SH2B1: variants seen among roughly 807,000 people sequenced by gnomAD.
The protein encoded by SH2B1 is SH2B adapter protein 1.
In SH2B1, 15 loss-of-function variants were observed where a neutral mutation model predicts 62.6. The ratio of observed to expected loss-of-function variants is 0.24; its 90% CI spans 0.16 to 0.37. The LOEUF (loss-of-function observed/expected upper bound fraction) is 0.37. Among genes scored for constraint, SH2B1 ranks in the 10% least tolerant of loss-of-function variants. SH2B1 has a pLI of 1.00. For missense variants in SH2B1, 925 were observed against 1,015.6 expected, an observed-to-expected ratio of 0.91 and a Z score of 1.21; for synonymous variants, 443 against 438.0, an observed-to-expected ratio of 1.01 and a Z score of -0.14.
chr16:28,873,332 A>G lies in SH2B1; in HGVS notation c.1898-115A>G. On this transcript the variant is annotated intron_variant, in intron 7 of 7. Coordinates refer to ENST00000684370, the MANE Select transcript of SH2B1 (RefSeq NM_001387430.1). This position sits in a 1 kb window ranked among gnomAD's most constrained non-coding sequence, Gnocchi z 4.2. ...ATCTTCCATGGATGGGGGGTTGCTC[A>G]GGAGATGGGATGTGGGGAGACAGCC... The G allele has an allele frequency of 6.3e-7, 1 of 1,592,360 alleles. No homozygotes were observed. Among genetic ancestry groups the G allele is most frequent in the Non-Finnish European group, 8.5e-7 (1 of 1,170,186 alleles).
chr16:28,852,229 T>TA (rs1435625694), intron 1 of SH2B1, among the ~76,000 whole-genome samples: 7 of 92,678 alleles, frequency 7.6e-5, no homozygotes, highest in African/African-American at 2.8e-4. Flanking sequence ...TACATATATA[T>TA]TTACATATAT....
At chr16:28,852,295 TATA>T (rs1413790231) in intron 1 of SH2B1, among the ~76,000 whole-genome samples, 1 of 91,286 alleles carries the variant, frequency 1.1e-5, no homozygotes, top group African/African-American at 4.6e-5. Flanking sequence ...TTTACATATA[TATA>T]TTTACATATA....
intron 1 of SH2B1, among the ~76,000 whole-genome samples, chr16:28,849,742 C>T (rs1471604507): frequency 6.6e-6 from 1 of 151,652 alleles, no homozygotes; most frequent in African/African-American, 2.4e-5. Context: ...GCCTGGCCAA[C>T]ATGGTGAAAT....
rs749808758 is a variant in SH2B1, at chr16:28,866,541, C to G, written c.447C>G (p.Leu149=). ...CTACAACCTCCTCCAAGCCGAAGCT[C>G]AAGAAGCGCTTTTCCCTGCGTTCAG... The part of the protein sequence containing the change: ...SSSTTSSKPK[L]KKRFSLRSVG... The change falls in exon 1 of 8, where the codon CTC becomes CTG. Residue 149 remains leucine, a synonymous_variant. Coordinates refer to ENST00000684370, the MANE Select transcript of SH2B1 (RefSeq NM_001387430.1). The surrounding 1 kb of genome is among the most constrained non-coding windows in gnomAD (Gnocchi z 6.3). 2 of 1,614,092 alleles carry G rather than the reference C, an allele frequency of 1.2e-6. No homozygotes were observed. The highest frequency in any genetic ancestry group is 3.3e-5 in the Admixed American group (2 of 60,006).
At chr16:28,856,507 G>A (rs1962327444) in intron 1 of SH2B1, among the ~76,000 whole-genome samples, 1 of 152,072 alleles carries the variant, frequency 6.6e-6, no homozygotes, top group South Asian at 2.1e-4. Flanking sequence ...TGGGGGTGGA[G>A]GTTAAATCAT....
In SH2B1 at chr16:28,864,978, G is replaced by A. The variant is rs553918415; in HGVS notation, c.-1117G>A. ...AGAAAAACGGAGGCTCAGAGAGGAC[G>A]TGGAATTTGTTCAAGATAACATCGC... On this transcript the variant is annotated 5_prime_UTR_variant, in exon 1 of 8. The change creates a new upstream start codon in the 5' untranslated region. Coordinates refer to ENST00000684370, the MANE Select transcript of SH2B1 (RefSeq NM_001387430.1). 1.2e-5 allele frequency: 6 copies of A among 505,558 alleles called. No homozygotes were observed. Among genetic ancestry groups the A allele is most frequent in the East Asian group, 3.0e-4 (2 of 6,658 alleles). The allele number at this position is 505,558 out of a possible 1,614,324, so 31.3% of individuals were successfully genotyped here.
chr16:28,871,410 G>A (rs978372205), intron 4 of SH2B1, among the ~76,000 whole-genome samples: 6 of 152,190 alleles, frequency 3.9e-5, no homozygotes, highest in African/African-American at 1.4e-4. Flanking sequence ...GATCACTTGA[G>A]TCCAGGAACT....
chr16:28,866,384 C>T lies in SH2B1; in HGVS notation c.290C>T (p.Pro97Leu). 1 of 1,613,706 alleles carries T rather than the reference C, an allele frequency of 6.2e-7. No homozygotes were observed. The highest frequency in any genetic ancestry group is 1.1e-5 in the South Asian group (1 of 91,084). The change falls in exon 1 of 8, where the codon CCT (proline) becomes CTT (leucine). Residue 97 changes from proline (P) to leucine (L), a missense_variant. Pro to Leu is a moderately conservative substitution (Grantham distance 98). This residue lies in a region of SH2B1 where 683 missense variants were observed against 704.0 expected (regional missense o/e 0.97). Coordinates refer to ENST00000684370, the MANE Select transcript of SH2B1 (RefSeq NM_001387430.1). The surrounding 1 kb of genome is among the most constrained non-coding windows in gnomAD (Gnocchi z 6.3). Reference sequence around the variant, plus strand: ...CCACCCATCCTGGCTCCCCTGAGCCCTGGTGCGGAGATTTCGCCACATGAC... The same window carrying T: ...CCACCCATCCTGGCTCCCCTGAGCCTTGGTGCGGAGATTTCGCCACATGAC... ...LSPPILAPLSPGAEISPHDLS... is the reference protein window; with the variant it reads ...LSPPILAPLSLGAEISPHDLS...
At position 28,852,507 on chromosome 16, in the gene SH2B1, T is replaced by TAC. The variant is rs1326511826; in HGVS notation, c.-301+5681_-301+5682insCA. ...ATATATACATACATATATTTATATA[T>TAC]ATACACATATATTTATATATATACA... is the stretch of plus-strand genomic sequence containing the variant. On this transcript the variant is annotated intron_variant, in intron 1 of 10. Transcript: ENST00000322610. Among the ~76,000 whole-genome samples, 26 of 60,028 alleles carry TAC rather than the reference T, an allele frequency of 4.3e-4. 9 individuals are homozygous for TAC. In the East Asian group the frequency reaches 4.5e-3, roughly 10 times the overall value. 39.4% of individuals were successfully genotyped at this position (60,028 alleles called of 152,430 possible). A position where few individuals can be genotyped will look rare whatever the true frequency, so the allele number is the denominator to read the frequency against.
intron 1 of SH2B1, among the ~76,000 whole-genome samples, chr16:28,853,522 CT>C (rs543507752): frequency 3.1e-4 from 39 of 127,110 alleles, no homozygotes; most frequent in Middle Eastern, 4.1e-3. Flanking sequence ...CCCACTTTTT[CT>C]TTTTTTTTTT....
chr16:28,871,294 A>C (rs900484105), intron 4 of SH2B1, among the ~76,000 whole-genome samples: 1 of 152,152 alleles, frequency 6.6e-6, no homozygotes, highest in African/African-American at 2.4e-5. Flanking sequence ...CGGGTATTAC[A>C]GGTGTGAGCC....
At chr16:28,852,573 T>TATATATTTATATATATACAC (rs1962164659) in intron 1 of SH2B1, among the ~76,000 whole-genome samples, 1 of 57,688 alleles carries the variant, frequency 1.7e-5, no homozygotes, top group Non-Finnish European at 2.8e-5. Flanking sequence ...TATATACACA[T>TATATATTTATATATATACAC]ATATATTTAT....
At chr16:28,855,209 T>C (rs1962292085) in intron 1 of SH2B1, among the ~76,000 whole-genome samples, 1 of 151,278 alleles carries the variant, frequency 6.6e-6, no homozygotes, top group African/African-American at 2.4e-5. Flanking sequence ...TTTGCAAACA[T>C]TCCATGATTG....
In SH2B1 at chr16:28,847,907, C is replaced by T. The variant is rs1000363752; in HGVS notation, c.-301+1080C>T. Among the ~76,000 whole-genome samples, 3 of 146,940 alleles carry T rather than the reference C, an allele frequency of 2.0e-5. No homozygotes were observed. The Admixed American group carries it at 2.1e-4, about 10-fold the overall frequency. On this transcript the variant is annotated intron_variant, in intron 1 of 10. Coordinates refer to the SH2B1 transcript ENST00000322610. ...ATGGGGCGATCTCGGCTCACTGCAA[C>T]CTCCACCTCCTGGGTTGAAGCAATT...
rs893110892 is a variant in SH2B1, at chr16:28,873,705, C to G, written c.2156C>G (p.Ser719Cys). ...APGSEAQGAGSGGDAGVPPMV... is the reference protein window; with the variant it reads ...APGSEAQGAGCGGDAGVPPMV... ...GGCTCAGAGGCCCAGGGCGCTGGGT[C>G]TGGTGGGGACGCGGGGGTGCCCCCA... The change falls in exon 8 of 8, where the codon TCT becomes TGT. Residue 719 changes from serine (S) to cysteine (C), a missense_variant. Physicochemically the swap from Ser to Cys is moderately radical, Grantham distance 112. Transcript: ENST00000684370. The surrounding 1 kb of genome is among the most constrained non-coding windows in gnomAD (Gnocchi z 4.2). The G allele has an allele frequency of 2.0e-6, 3 of 1,507,078 alleles. No individual in the cohort carries two copies. Among genetic ancestry groups the G allele is most frequent in the Middle Eastern group, 1.7e-4 (1 of 5,718 alleles). 93.4% of individuals were successfully genotyped at this position (1,507,078 alleles called of 1,614,324 possible). A position where few individuals can be genotyped will look rare whatever the true frequency, so the allele number is the denominator to read the frequency against.
chr16:28,855,643 A>T (rs1285343857), intron 1 of SH2B1, among the ~76,000 whole-genome samples: 12 of 140,434 alleles, frequency 8.5e-5, no homozygotes, highest in Non-Finnish European at 1.7e-4. Context: ...TTATTTATTT[A>T]TTTATTTTTT....
At chr16:28,851,016 A>C (rs1426843666) in intron 1 of SH2B1, among the ~76,000 whole-genome samples, 2 of 150,474 alleles carry the variant, frequency 1.3e-5, no homozygotes, top group East Asian at 2.0e-4. Flanking sequence ...TACTAAAAAA[A>C]TACAAAAATT....
intron 1 of SH2B1, among the ~76,000 whole-genome samples, chr16:28,853,591 G>A (rs1358406141): frequency 7.0e-6 from 1 of 142,722 alleles, no homozygotes; most frequent in Non-Finnish European, 1.5e-5. Flanking sequence ...TCTGGCTCAA[G>A]CAATCCTCCC....
At position 28,866,549 on chromosome 16, in the gene SH2B1, G is replaced by T; in HGVS notation, c.455G>T (p.Arg152Leu). The T allele has an allele frequency of 3.1e-6, 5 of 1,613,994 alleles. No individual in the cohort carries two copies. Among genetic ancestry groups the T allele is most frequent in the Non-Finnish European group, 4.2e-6 (5 of 1,180,030 alleles). The change falls in exon 1 of 8, where the codon CGC (arginine) becomes CTC (leucine). Residue 152 changes from arginine to leucine, a missense_variant. Transcript: ENST00000684370. This position sits in a 1 kb window ranked among gnomAD's most constrained non-coding sequence, Gnocchi z 6.3. ...TTSSKPKLKK[R>L]FSLRSVGRSV... The stretch of plus-strand genomic sequence containing the variant: ...TCCTCCAAGCCGAAGCTCAAGAAGC[G>T]CTTTTCCCTGCGTTCAGTGGGTCGC...
Sources: allele counts gnomAD v4.1 joint callset (sites outside exome capture counted in the v4.1 genomes callset), GRCh38; gene constraint gnomAD v4.1.1; regional missense constraint gnomAD v4.1.1; non-coding constraint Gnocchi (gnomAD v3.1); transcripts MANE v1.5; gene names NCBI Gene and HGNC (gene_info 2026-07-23, HGNC 2026-07-21).